The following CADPS2 variants were observed in gnomAD, a reference collection of about 807,000 sequenced individuals.
CADPS2 encodes the protein calcium dependent secretion activator 2, also known as calcium-dependent secretion activator 2.
A neutral mutation model predicts 172.5 loss-of-function variants in CADPS2; 93 were observed. The ratio of observed to expected loss-of-function variants is 0.54; its 90% confidence interval spans 0.46 to 0.64. The LOEUF (loss-of-function observed/expected upper bound fraction) is 0.64, where lower values mean the gene tolerates loss of function less well. CADPS2 is among the 30% of genes least tolerant of loss of function. The pLI is 0.00. For synonymous variants in CADPS2, 546 were observed against 555.2 expected (o/e 0.98, Z 0.23); for missense variants, 1,420 against 1,565.9 (o/e 0.91, Z 1.57).
chr7:122,364,006 A>C (rs2151170576), intron 25 of CADPS2, among the ~76,000 whole-genome samples: 1 of 152,272 alleles, frequency 6.6e-6, no homozygotes, highest in Admixed American at 6.5e-5. Flanking sequence ...CGGCAGAAGG[A>C]GGAAGGCTTT....
chr7:122,364,129 G>A (rs1467926066), intron 25 of CADPS2, among the ~76,000 whole-genome samples: 1 of 152,134 alleles, frequency 6.6e-6, no homozygotes, highest in South Asian at 2.1e-4. Flanking sequence ...ATACTCAAGG[G>A]TTCAGGTGTG....
At chr7:122,398,819 C>T (rs1585623477) in intron 20 of CADPS2, among the ~76,000 whole-genome samples, 2 of 136,980 alleles carry the variant, frequency 1.5e-5, no homozygotes, top group African/African-American at 5.3e-5. Flanking sequence ...TTAGGAATAG[C>T]ACCCAGCCAA....
chr7:122,647,833 CAT>C (rs1276767225), intron 3 of CADPS2, among the ~76,000 whole-genome samples: 2 of 152,102 alleles, frequency 1.3e-5, no homozygotes, highest in Non-Finnish European at 2.9e-5. Context: ...ATGAGCCTGA[CAT>C]ATAGTGTCAA....
rs180968702 is a variant in CADPS2, at chr7:122,672,130, T to C, written c.454-8561A>G. Among the ~76,000 whole-genome samples, 322 of 152,284 alleles carry C rather than the reference T, an allele frequency of 2.1e-3. 1 individual carries two copies. In the South Asian group the frequency reaches 0.024, roughly 11 times the overall value. On this transcript the variant is annotated intron_variant, in intron 2 of 29. Transcript: ENST00000449022. ...ATAATCTGTGTTCTTACAGAAATAA[T>C]AATAGAGTTTAAGACAATCTTTCAG...
Position 122,761,450 on chromosome 7 carries a change from A to G in CADPS2, c.340-24382T>C, listed in dbSNP as rs148562196. 3.2e-3 allele frequency among the ~76,000 whole-genome samples: 480 copies of G among 152,268 alleles called. 2 individuals are homozygous for G. Among genetic ancestry groups the G allele is most frequent in the African/African-American group, 0.011 (463 of 41,566 alleles). ...TCACCTATATCCTGAGAGCTTTCAAACATTTTTTAATCCCCTTAACTCTTA... is the reference window on the plus strand; with the variant it reads ...TCACCTATATCCTGAGAGCTTTCAAGCATTTTTTAATCCCCTTAACTCTTA... On this transcript the variant is annotated intron_variant, in intron 1 of 29. Coordinates refer to ENST00000449022, the MANE Select transcript of CADPS2 (RefSeq NM_017954.11).
chr7:122,622,047 C>T (rs1466601166), intron 4 of CADPS2, among the ~76,000 whole-genome samples: 2 of 152,148 alleles, frequency 1.3e-5, no homozygotes, highest in Non-Finnish European at 2.9e-5. Flanking sequence ...ATAGATGAAC[C>T]TTAGCCACTA....
At chr7:122,632,422 A>G (rs2076663717) in intron 3 of CADPS2, among the ~76,000 whole-genome samples, 4 of 152,142 alleles carry the variant, frequency 2.6e-5, no homozygotes, top group South Asian at 4.1e-4. Context: ...GATGGTATCT[A>G]TCTCATTGTG....
At chr7:122,696,098 C>A (rs941934344) in intron 2 of CADPS2, among the ~76,000 whole-genome samples, 4 of 152,138 alleles carry the variant, frequency 2.6e-5, no homozygotes, top group Non-Finnish European at 5.9e-5. Flanking sequence ...CACCCCACCC[C>A]CATCCGCTGC....
chr7:122,666,817 T>A (rs761346218), intron 2 of CADPS2, among the ~76,000 whole-genome samples: 5 of 152,150 alleles, frequency 3.3e-5, no homozygotes, highest in Non-Finnish European at 5.9e-5. Flanking sequence ...CACTGGCAGA[T>A]TCCCAGTGAG....
At position 122,393,229 on chromosome 7, in the gene CADPS2, G is replaced by T. The variant is rs751307785; in HGVS notation, c.2975C>A (p.Thr992Asn). 9 of 1,613,726 alleles carry T rather than the reference G, an allele frequency of 5.6e-6. No individual in the cohort carries two copies. The Admixed American group carries it at 1.2e-4, about 21-fold the overall frequency. The stretch of plus-strand genomic sequence containing the variant: ...ATATAAAGAAGGCATCCACGAAGCA[G>T]TAGAAATGTTAGGAATCTGTGGAAG... ...LNLPQIPNIS[T>N]ASWMPSLYES... Residue 992 changes from threonine to asparagine, a missense_variant, in exon 22 of 30, where the codon ACT becomes AAT. Physicochemically the swap from Thr to Asn is moderately conservative, Grantham distance 65 (BLOSUM62 0). Transcript: ENST00000449022.
At chr7:122,800,336 T>G (rs545917966) in intron 1 of CADPS2, among the ~76,000 whole-genome samples, 184 of 152,276 alleles carry the variant, frequency 1.2e-3, no homozygotes, top group African/African-American at 4.1e-3. Context: ...ACACGACAAC[T>G]TGCCAAAATA....
At chr7:122,608,543 G>A (rs771543155) in intron 6 of CADPS2, among the ~76,000 whole-genome samples, 29 of 152,098 alleles carry the variant, frequency 1.9e-4, no homozygotes, top group Non-Finnish European at 2.6e-4. Context: ...GTTGGTACTG[G>A]AGACTGTATT....
At chr7:122,481,323 G>C (rs1375170355) in intron 11 of CADPS2, among the ~76,000 whole-genome samples, 1 of 152,158 alleles carries the variant, frequency 6.6e-6, no homozygotes, top group Non-Finnish European at 1.5e-5. Flanking sequence ...ATACAAGTCA[G>C]TTGTTGTTAA....
intron 1 of CADPS2, among the ~76,000 whole-genome samples, chr7:122,747,500 A>G (rs924516437): frequency 6.6e-6 from 1 of 152,280 alleles, no homozygotes; most frequent in African/African-American, 2.4e-5. Flanking sequence ...TGTCTAATGT[A>G]ACAACTAGTC....
chr7:122,885,174 T>C (rs1824001919), intron 1 of CADPS2, among the ~76,000 whole-genome samples: 1 of 152,202 alleles, frequency 6.6e-6, no homozygotes, highest in Admixed American at 6.5e-5. Flanking sequence ...TCGTGTCTGG[T>C]ACAGAACATC....
intron 8 of CADPS2, among the ~76,000 whole-genome samples, chr7:122,520,017 T>C (rs756671434): frequency 6.6e-6 from 1 of 152,032 alleles, no homozygotes; most frequent in Non-Finnish European, 1.5e-5. Flanking sequence ...CATGTCAACA[T>C]GATTCTTAAA....
intron 12 of CADPS2, among the ~76,000 whole-genome samples, chr7:122,478,410 TG>T (rs1382429118): frequency 6.6e-6 from 1 of 152,230 alleles, no homozygotes; most frequent in Non-Finnish European, 1.5e-5. Context: ...GATGTGGGAT[TG>T]GTAATTGAGG....
chr7:122,621,640 C>G lies in CADPS2; in HGVS notation c.945G>C (p.Leu315Phe). The G allele has an allele frequency of 6.2e-7, 1 of 1,613,798 alleles. No individual in the cohort carries two copies. ...GAAGACTTTCCAAATTGGCCATTAG[C>G]AAATTCACTGAAGACCGCAACTCTT... ...YIEELRSSVN[L>F]LMANLESLPV... Residue 315 changes from leucine (L) to phenylalanine (F), a missense_variant, in exon 5 of 30, where the codon TTG becomes TTC. Physicochemically the swap from Leu to Phe is conservative, Grantham distance 22. Coordinates refer to ENST00000449022, the MANE Select transcript of CADPS2 (RefSeq NM_017954.11).
chr7:122,353,826 C>A (rs2039000777), intron 27 of CADPS2, among the ~76,000 whole-genome samples: 1 of 152,118 alleles, frequency 6.6e-6, no homozygotes, highest in African/African-American at 2.4e-5. Flanking sequence ...TTTTGTCTTA[C>A]ACTGATTTCA....
Sources: gnomAD v4.1 joint callset for allele counts (sites outside exome capture counted in the v4.1 genomes callset) on GRCh38, gnomAD v4.1.1 for gene constraint, MANE v1.5 for transcripts, NCBI Gene and HGNC (gene_info 2026-07-23, HGNC 2026-07-21) for gene names.